FLT1: variants seen among roughly 807,000 people sequenced by gnomAD.
The protein encoded by FLT1 is fms related receptor tyrosine kinase 1.
A neutral mutation model predicts 156.3 loss-of-function variants in FLT1; 49 were observed. The observed-to-expected ratio is 0.31, with a 90% CI of 0.25 to 0.40. The LOEUF (loss-of-function observed/expected upper bound fraction) is 0.40, where lower values mean the gene tolerates loss of function less well. Ranked by LOEUF, FLT1 falls within the 10% of genes least tolerant of loss-of-function variation. The pLI, the probability that FLT1 is intolerant of heterozygous loss-of-function variation, is 1.00. For synonymous variants in FLT1, 594 were observed against 583.8 expected (o/e 1.02, Z -0.25); for missense variants, 1,322 against 1,637.2 (o/e 0.81, Z 3.32).
chr13:28,494,158 TG>T (rs1230117759), intron 1 of FLT1, among the ~76,000 whole-genome samples: 5 of 152,154 alleles, frequency 3.3e-5, no homozygotes, highest in Non-Finnish European at 7.4e-5. Context: ...CAGTCCGGCT[TG>T]GGGACTCAAG....
In FLT1 at chr13:28,468,295, G is replaced by A. The variant is rs74412485; in HGVS notation, c.65-678C>T. ...AAAAGGGAACTGTTCACACGCTTAC[G>A]TGACATTCGACAAACATCTCGGAGG... On this transcript the variant is annotated intron_variant, in intron 1 of 29. Coordinates refer to ENST00000282397, the MANE Select transcript of FLT1 (RefSeq NM_002019.4). 1.5e-3 allele frequency among the ~76,000 whole-genome samples: 235 copies of A among 152,234 alleles called. 4 individuals carry two copies. In the East Asian group the frequency reaches 0.039, roughly 25 times the overall value.
At chr13:28,416,667 A>T (rs536316295) in intron 10 of FLT1, among the ~76,000 whole-genome samples, 2 of 152,352 alleles carry the variant, frequency 1.3e-5, no homozygotes, top group Admixed American at 1.3e-4. Context: ...AATGCTTAAT[A>T]ACTTAGCTAT....
rs578076502 is a variant in FLT1 at position 28,378,787 on chromosome 13, C to T, written c.2116+6098G>A. On this transcript the variant is annotated intron_variant, in intron 14 of 29. Transcript: ENST00000282397. ...TGGAATGTATCTAATAATGTCCCTA[C>T]CTCAAAGGATAGTTGTGAAAATTAA... is the stretch of plus-strand genomic sequence containing the variant. Among the ~76,000 whole-genome samples, 13 of 152,288 alleles carry T rather than the reference C, an allele frequency of 8.5e-5. No homozygotes were observed. In the South Asian group the frequency reaches 1.9e-3, roughly 22 times the overall value.
At chr13:28,344,188 C>G (rs1166770078) in intron 16 of FLT1, among the ~76,000 whole-genome samples, 3 of 152,116 alleles carry the variant, frequency 2.0e-5, no homozygotes, top group Non-Finnish European at 4.4e-5. Flanking sequence ...CCTACGAGAC[C>G]CTGCCTGGCC....
intron 3 of FLT1, among the ~76,000 whole-genome samples, chr13:28,465,839 A>C (rs28491076): frequency 6.6e-6 from 1 of 151,906 alleles, no homozygotes; most frequent in African/African-American, 2.4e-5. Context: ...CCATCTCAAA[A>C]AAACAAACAA....
chr13:28,353,572 C>CA (rs34155046), intron 15 of FLT1, among the ~76,000 whole-genome samples: 84,569 of 123,308 alleles, frequency 0.69, 28,936 homozygotes, highest in Middle Eastern at 0.8. Flanking sequence ...GACTGTGTCT[C>CA]AAAAAAAAAA....
intron 11 of FLT1, 119 bp downstream of exon 11, chr13:28,405,661 T>C: frequency 1.4e-6 from 1 of 715,712 alleles, no homozygotes; most frequent in South Asian, 1.5e-5. Flanking sequence ...ATTGTCTTTC[T>C]TCTCTCTGAA....
rs148165829 is a variant in FLT1, at chr13:28,384,937, G to C, written c.2064C>G (p.Pro688=). Residue 688 remains proline, a synonymous_variant, in exon 14 of 30, where the codon CCC becomes CCG. Coordinates refer to ENST00000282397, the MANE Select transcript of FLT1 (RefSeq NM_002019.4). ...TTTTAAACCAAGTGATCTGAGGCTCGGGGACACCATTAGCATGACAGTCTA... is the reference window on the plus strand; with the variant it reads ...TTTTAAACCAAGTGATCTGAGGCTCCGGGACACCATTAGCATGACAGTCTA... ...TTLDCHANGV[P]EPQITWFKNN... 3 of 1,613,920 alleles carry C rather than the reference G, an allele frequency of 1.9e-6. No individual in the cohort carries two copies. The highest frequency in any genetic ancestry group is 2.7e-5 in the African/African-American group (2 of 74,902).
chr13:28,493,962 T>TAACG (rs1210168629), intron 1 of FLT1, among the ~76,000 whole-genome samples: 1 of 152,218 alleles, frequency 6.6e-6, no homozygotes, highest in Non-Finnish European at 1.5e-5. Flanking sequence ...GTCAGTAAGT[T>TAACG]AACGGTATTT....
intron 10 of FLT1, among the ~76,000 whole-genome samples, chr13:28,408,958 C>T (rs1246528507): frequency 6.6e-6 from 1 of 152,180 alleles, no homozygotes; most frequent in East Asian, 1.9e-4. Context: ...TGCTCTGGAC[C>T]TGAAACAACT....
chr13:28,373,944 T>G (rs1274999824), intron 14 of FLT1, among the ~76,000 whole-genome samples: 1 of 152,212 alleles, frequency 6.6e-6, no homozygotes, highest in East Asian at 1.9e-4. Context: ...AGACAAAATT[T>G]GCTGCTGATC....
At chr13:28,365,250 T>G (rs1213200243) in intron 14 of FLT1, among the ~76,000 whole-genome samples, 4 of 152,242 alleles carry the variant, frequency 2.6e-5, no homozygotes, top group Non-Finnish European at 5.9e-5. Context: ...AGATAGATTT[T>G]AATTTTGTTG....
At chr13:28,489,752 A>G (rs1277501375) in intron 1 of FLT1, among the ~76,000 whole-genome samples, 1 of 152,136 alleles carries the variant, frequency 6.6e-6, no homozygotes, top group African/African-American at 2.4e-5. Flanking sequence ...GTGTGGAGAG[A>G]AGTGGCGAAA....
intron 12 of FLT1, among the ~76,000 whole-genome samples, chr13:28,391,097 C>T (rs564791384): frequency 5.2e-4 from 79 of 152,166 alleles, no homozygotes; most frequent in Non-Finnish European, 1.0e-3. Flanking sequence ...TCTGAAAATG[C>T]GGACAACTAA....
chr13:28,326,255 C>A (rs1010606933), intron 20 of FLT1, among the ~76,000 whole-genome samples: 13 of 152,108 alleles, frequency 8.5e-5, no homozygotes, highest in Non-Finnish European at 4.4e-5. Flanking sequence ...GGAACTGAAA[C>A]AGACAGGTTG....
chr13:28,318,916 T>C (rs1482183974), intron 24 of FLT1, among the ~76,000 whole-genome samples: 1 of 152,192 alleles, frequency 6.6e-6, no homozygotes, highest in African/African-American at 2.4e-5. Flanking sequence ...GCTTATCCTG[T>C]ATAAACCAGT....
chr13:28,484,223 T>C (rs1246064370), intron 1 of FLT1, among the ~76,000 whole-genome samples: 2 of 152,188 alleles, frequency 1.3e-5, no homozygotes, highest in African/African-American at 2.4e-5. Flanking sequence ...GGTCGTTCTG[T>C]GAGGTATTTT....
chr13:28,322,242 C>T lies in FLT1; in HGVS notation c.3051+20G>A. On this transcript the variant is annotated intron_variant, in intron 22 of 29. Coordinates refer to ENST00000282397, the MANE Select transcript of FLT1 (RefSeq NM_002019.4). This position sits in a 1 kb window ranked among gnomAD's most constrained non-coding sequence, Gnocchi z 4.3. The stretch of plus-strand genomic sequence containing the variant: ...GTCCAGCCCTGGCAGAGAAGAAAAA[C>T]AGTAAACAGCAAGACTGACCTTTCT... The T allele has an allele frequency of 6.8e-7, 1 of 1,465,430 alleles. No homozygotes were observed. The highest frequency in any genetic ancestry group is 1.1e-5 in the South Asian group (1 of 88,020). The allele number at this position is 1,465,430 out of a possible 1,614,324, so 90.8% of individuals were successfully genotyped here.
chr13:28,319,591 C>T (rs776867398), intron 23 of FLT1, 57 bp from the exon 24 acceptor site: 1 of 997,772 alleles, frequency 1.0e-6, no homozygotes, highest in South Asian at 1.3e-5. Flanking sequence ...GCACATTCAA[C>T]CCGAGTGTCC....
Sources: gnomAD v4.1 joint callset for allele counts (sites outside exome capture counted in the v4.1 genomes callset) on GRCh38, gnomAD v4.1.1 for gene constraint, Gnocchi (gnomAD v3.1) non-coding constraint, MANE v1.5 for transcripts, NCBI Gene and HGNC (gene_info 2026-07-23, HGNC 2026-07-21) for gene names.